AFMID: variants seen among roughly 807,000 people sequenced by gnomAD.
AFMID encodes arylformamidase.
AFMID carries 39 observed loss-of-function variants against 47.5 expected under a neutral mutation model. The observed-to-expected ratio is 0.82, with a 90% CI of 0.64 to 1.07. The LOEUF (loss-of-function observed/expected upper bound fraction) is 1.07. AFMID is among the 50% of genes least tolerant of loss of function. The probability of loss-of-function intolerance (pLI) is 0.00; values close to 1 mark genes in which losing one functional copy is unlikely to be tolerated. For missense variants in AFMID, 375 were observed against 387.5 expected (o/e 0.97, Z 0.27); for synonymous variants, 130 against 153.2 (o/e 0.85, Z 1.12).
Position 78,193,244 on chromosome 17 carries a change from G to A in AFMID, c.154+2184G>A, listed in dbSNP as rs187178846. On this transcript the variant is annotated intron_variant, in intron 2 of 10. Transcript: ENST00000409257. Reference sequence around the variant, plus strand: ...AAATTAGCCAGGCATGGTGGCGGGCGCCTCTAGTCCCAGCTACTCAGGAGG... The same window carrying A: ...AAATTAGCCAGGCATGGTGGCGGGCACCTCTAGTCCCAGCTACTCAGGAGG... Among the ~76,000 whole-genome samples the A allele has an allele frequency of 7.0e-4, 107 of 151,910 alleles. 1 individual carries two copies. Among genetic ancestry groups the A allele is most frequent in the Middle Eastern group, 3.4e-3 (1 of 294 alleles).
Position 78,206,037 on chromosome 17 carries a change from A to C in AFMID, c.872A>C (p.Asn291Thr). ...GTTGAGAATCTGACCCAGAAGGACA[A>C]CGTGCTCACCCAGGTGGGGCCTCAT... is the stretch of plus-strand genomic sequence containing the variant. Reference protein sequence around the residue: ...EIVENLTQKDNVLTQIILKTI... With the variant: ...EIVENLTQKDTVLTQIILKTI... Residue 291 changes from asparagine to threonine, a missense_variant, in exon 10 of 11, where the codon AAC becomes ACC. Asn to Thr is a moderately conservative substitution (Grantham distance 65, BLOSUM62 0). Transcript: ENST00000409257. 1 of 1,614,108 alleles carries C rather than the reference A, an allele frequency of 6.2e-7. No individual in the cohort carries two copies. Among genetic ancestry groups the C allele is most frequent in the South Asian group, 1.1e-5 (1 of 91,076 alleles).
chr17:78,200,948 A>G (rs2076228746), intron 2 of AFMID, among the ~76,000 whole-genome samples: 1 of 151,798 alleles, frequency 6.6e-6, no homozygotes, highest in South Asian at 2.1e-4. Flanking sequence ...GTGGGAGGGG[A>G]GGCAGGGTTT....
intron 1 of AFMID, among the ~76,000 whole-genome samples, chr17:78,189,559 C>T (rs1387320458): frequency 4.7e-5 from 7 of 148,148 alleles, no homozygotes; most frequent in Admixed American, 2.1e-4. Flanking sequence ...GTTTTGCTCT[C>T]TCAGGCTGGA....
chr17:78,189,415 G>C (rs1290910787), intron 1 of AFMID, among the ~76,000 whole-genome samples: 1 of 150,428 alleles, frequency 6.6e-6, no homozygotes, highest in Non-Finnish European at 1.5e-5. Flanking sequence ...TAGAGACGGA[G>C]TTTCACCATG....
chr17:78,202,963 T>TA, intron 4 of AFMID: 1 of 612,844 alleles, frequency 1.6e-6, no homozygotes, highest in South Asian at 1.9e-5. Context: ...CTGGTGGCCT[T>TA]AGACAGCCCT....
intron 2 of AFMID, among the ~76,000 whole-genome samples, chr17:78,201,984 C>T (rs1379742552): frequency 6.6e-6 from 1 of 151,766 alleles, no homozygotes; most frequent in Non-Finnish European, 1.5e-5. Flanking sequence ...CCCGCCTCGG[C>T]CTCCCAGAGT....
At chr17:78,198,896 T>C (rs1446279289) in intron 2 of AFMID, among the ~76,000 whole-genome samples, 1 of 152,168 alleles carries the variant, frequency 6.6e-6, no homozygotes, top group Non-Finnish European at 1.5e-5. Flanking sequence ...GTGTGCCCAG[T>C]TCCCCTGGCC....
intron 2 of AFMID, 99 bp from the exon 3 acceptor site, chr17:78,202,400 G>A: frequency 8.1e-7 from 1 of 1,227,006 alleles, no homozygotes; most frequent in African/African-American, 1.5e-5. Context: ...CTGCACTCCA[G>A]CTTGGGCAAC....
chr17:78,198,636 T>A (rs1255036448), intron 2 of AFMID, among the ~76,000 whole-genome samples: 34 of 99,666 alleles, frequency 3.4e-4, no homozygotes, highest in African/African-American at 1.8e-3. Flanking sequence ...CAAAGCTCTG[T>A]CTCAAAAAAA....
chr17:78,205,040 ATGT>A lies in AFMID; in HGVS notation c.468-49_468-47del, dbSNP rs1282251920. ...ATTGGGACTCTTCGAAGGGGGCCTG[ATGT>A]TGTGGGGAAACTGCGTGCAAATCCA... On this transcript the variant is annotated intron_variant, in intron 6 of 10. Transcript: ENST00000409257. 4.5e-6 allele frequency: 7 copies of A among 1,568,412 alleles called. No homozygotes were observed. The South Asian group carries it at 6.8e-5, about 15-fold the overall frequency.
rs142587819 is a variant in AFMID at position 78,194,088 on chromosome 17, T to G, written c.154+3028T>G. On this transcript the variant is annotated intron_variant, in intron 2 of 10. Coordinates refer to ENST00000409257, the MANE Select transcript of AFMID (RefSeq NM_001010982.5). ...TTACTGCTGCCTTGGAGTTCAAGGC[T>G]GCATATTTCTTTATGTATTGGGTTT... Among the ~76,000 whole-genome samples, 905 of 151,042 alleles carry G rather than the reference T, an allele frequency of 6.0e-3. 10 individuals are homozygous for G. Among genetic ancestry groups the G allele is most frequent in the African/African-American group, 0.021 (867 of 41,080 alleles).
In AFMID at chr17:78,206,936, A is replaced by G; in HGVS notation, c.911A>G (p.Ter304TrpextTer2). Residue 304 changes from the stop codon to tryptophan, a stop_lost, in exon 11 of 11, where the codon TAG (stop) becomes TGG (tryptophan). Coordinates refer to ENST00000409257, the MANE Select transcript of AFMID (RefSeq NM_001010982.5). The stretch of plus-strand genomic sequence containing the variant: ...ATTATCTTGAAAACAATCTTCCAGT[A>G]GTTCTGACGATACTTGGAGCCTGGT... ...TQIILKTIFQ* is the reference protein window; with the variant it reads ...TQIILKTIFQW 3 of 1,614,014 alleles carry G rather than the reference A, an allele frequency of 1.9e-6. No individual in the cohort carries two copies. The highest frequency in any genetic ancestry group is 2.5e-6 in the Non-Finnish European group (3 of 1,179,956).
In AFMID at chr17:78,204,887, T is replaced by C. The variant is rs1428490787; in HGVS notation, c.454T>C (p.Tyr152His). 6.2e-7 allele frequency: 1 copy of C among 1,614,180 alleles called. No homozygotes were observed. The highest frequency in any genetic ancestry group is 2.2e-5 in the East Asian group (1 of 44,870). The change falls in exon 6 of 11, where the codon TAT becomes CAT. Residue 152 changes from tyrosine to histidine, a missense_variant. Tyr to His is a moderately conservative substitution (Grantham distance 83). Coordinates refer to ENST00000409257, the MANE Select transcript of AFMID (RefSeq NM_001010982.5). ...CAGCGTTGCGTTTGTCCAGAAGCGG[T>C]ATCCAAGCAACAAGTGGGTGTTGCC... The part of the protein sequence containing the change: ...TRSVAFVQKR[Y>H]PSNKGIYLCG...
chr17:78,191,267 G>A (rs1410295213), intron 2 of AFMID, among the ~76,000 whole-genome samples: 2 of 152,112 alleles, frequency 1.3e-5, no homozygotes, highest in African/African-American at 4.8e-5. Context: ...GGAGAGGTCC[G>A]GGGGAGGTCC....
intron 1 of AFMID, among the ~76,000 whole-genome samples, chr17:78,189,422 C>T (rs2075899207): frequency 6.6e-6 from 1 of 151,178 alleles, no homozygotes; most frequent in Non-Finnish European, 1.5e-5. Flanking sequence ...GGAGTTTCAC[C>T]ATGTTGGCCA....
At chr17:78,196,833 T>C (rs1448718879) in intron 2 of AFMID, among the ~76,000 whole-genome samples, 1 of 152,218 alleles carries the variant, frequency 6.6e-6, no homozygotes, top group African/African-American at 2.4e-5. Flanking sequence ...GAAAGGAAGT[T>C]TGCCATAAGG....
intron 2 of AFMID, chr17:78,192,765 G>A: frequency 2.4e-6 from 1 of 409,338 alleles, no homozygotes; most frequent in South Asian, 1.8e-5. Flanking sequence ...ATGGGGAGCA[G>A]GCCCCGAGGA....
chr17:78,202,807 G>A (rs1178146044), intron 4 of AFMID, 56 bp downstream of exon 4: 2 of 1,546,572 alleles, frequency 1.3e-6, no homozygotes, highest in Non-Finnish European at 1.7e-6. Context: ...TTCCCTGGGG[G>A]ACTCCTCCTC....
At chr17:78,188,860 G>C (rs567740187) in intron 1 of AFMID, among the ~76,000 whole-genome samples, 45 of 152,264 alleles carry the variant, frequency 3.0e-4, no homozygotes, top group African/African-American at 7.9e-4. Context: ...GCCTCCCAAA[G>C]TGCTGGGTTT....
Sources: allele counts gnomAD v4.1 joint callset (sites outside exome capture counted in the v4.1 genomes callset), GRCh38; gene constraint gnomAD v4.1.1; transcripts MANE v1.5; gene names NCBI Gene and HGNC (gene_info 2026-07-23, HGNC 2026-07-21).